Variants in CAMTA1 observed in about 807,000 individuals in gnomAD.
CAMTA1 encodes calmodulin-binding transcription activator 1.
Under a neutral mutation model 170.9 loss-of-function variants are expected in CAMTA1, and 27 were observed. That is an observed-to-expected ratio of 0.16 (90% confidence interval 0.12 to 0.22). The LOEUF (loss-of-function observed/expected upper bound fraction) is 0.22, where lower values mean the gene tolerates loss of function less well. Among genes scored for constraint, CAMTA1 ranks in the 10% least tolerant of loss-of-function variants. The pLI is 1.00. For synonymous variants in CAMTA1, 833 were observed against 891.5 expected, an observed-to-expected ratio of 0.93 and a Z score of 1.17; for missense variants, 1,619 against 2,217.2, an observed-to-expected ratio of 0.73 and a Z score of 5.42.
intron 11 of CAMTA1, among the ~76,000 whole-genome samples, chr1:7,712,250 TTAGAG>T (rs1469242318): frequency 6.6e-6 from 1 of 152,210 alleles, no homozygotes; most frequent in Non-Finnish European, 1.5e-5. Flanking sequence ...CTCTAATGTT[TTAGAG>T]TAAAGTTGCA....
At chr1:7,220,550 C>T (rs927374607) in intron 4 of CAMTA1, among the ~76,000 whole-genome samples, 2 of 152,046 alleles carry the variant, frequency 1.3e-5, no homozygotes, top group East Asian at 1.9e-4. Context: ...AGTCTTGTCA[C>T]CTGGTGTTCC....
At chr1:7,614,126 AGAG>A in intron 6 of CAMTA1, among the ~76,000 whole-genome samples, 2 of 152,012 alleles carry the variant, frequency 1.3e-5, no homozygotes, top group South Asian at 4.2e-4. Flanking sequence ...GAGTAGGAGG[AGAG>A]GAGATTTTGG....
At position 7,325,829 on chromosome 1, in the gene CAMTA1, T is replaced by C. The variant is rs1679181861; in HGVS notation, c.438+76203T>C. Among the ~76,000 whole-genome samples the C allele has an allele frequency of 6.6e-6, 1 of 151,090 alleles. No individual in the cohort carries two copies. Among genetic ancestry groups the C allele is most frequent in the Non-Finnish European group, 1.5e-5 (1 of 67,658 alleles). On this transcript the variant is annotated intron_variant, in intron 5 of 22. Transcript: ENST00000303635. This position sits in a 1 kb window ranked among gnomAD's most constrained non-coding sequence, Gnocchi z 5.0. ...GGCATTTCAAGGGCAGATCCAGGTT[T>C]GGTTTGTTGTTGGTGGGTTTTTTTG...
At chr1:6,817,933 T>A (rs1042107781) in intron 1 of CAMTA1, among the ~76,000 whole-genome samples, 1 of 152,180 alleles carries the variant, frequency 6.6e-6, no homozygotes, top group Non-Finnish European at 1.5e-5. Context: ...AAGACTTTAT[T>A]TATATGGACC....
chr1:7,103,976 CACA>C (rs1422063568), intron 4 of CAMTA1, among the ~76,000 whole-genome samples: 3 of 151,320 alleles, frequency 2.0e-5, no homozygotes, highest in African/African-American at 4.9e-5. Context: ...CACACGCACA[CACA>C]ACACACAAGT....
At chr1:7,469,379 G>T (rs1331106842) in intron 6 of CAMTA1, among the ~76,000 whole-genome samples, 1 of 152,202 alleles carries the variant, frequency 6.6e-6, no homozygotes, top group Non-Finnish European at 1.5e-5. Context: ...TGAAGGGTGG[G>T]GTTCCACCCG....
chr1:7,134,763 C>G (rs762299827), intron 4 of CAMTA1, among the ~76,000 whole-genome samples: 5 of 152,072 alleles, frequency 3.3e-5, no homozygotes, highest in Non-Finnish European at 5.9e-5. Flanking sequence ...ATTATATGTT[C>G]ATGGGATTAC....
At chr1:6,819,870 C>T (rs1014677497) in intron 1 of CAMTA1, among the ~76,000 whole-genome samples, 1 of 152,226 alleles carries the variant, frequency 6.6e-6, no homozygotes, top group Admixed American at 6.5e-5. Context: ...GTCCTAAAGT[C>T]CTGTTGCTGT....
At chr1:7,169,656 C>G (rs2148817688) in intron 4 of CAMTA1, among the ~76,000 whole-genome samples, 1 of 152,226 alleles carries the variant, frequency 6.6e-6, no homozygotes, top group South Asian at 2.1e-4. Flanking sequence ...AGACTACAGG[C>G]ATGCACCACC....
chr1:7,746,327 C>T (rs1028990171), intron 18 of CAMTA1, among the ~76,000 whole-genome samples: 2 of 152,010 alleles, frequency 1.3e-5, no homozygotes, highest in Admixed American at 1.3e-4. Flanking sequence ...GCCATTTTGT[C>T]TGTTTTAAAG....
intron 5 of CAMTA1, among the ~76,000 whole-genome samples, chr1:7,352,883 G>A (rs538710917): frequency 1.2e-4 from 19 of 152,346 alleles, no homozygotes; most frequent in African/African-American, 2.6e-4. Context: ...TTCCCACTCC[G>A]TGTGAGCCAG....
At chr1:7,671,446 C>G (rs1219914510) in intron 10 of CAMTA1, among the ~76,000 whole-genome samples, 1 of 152,226 alleles carries the variant, frequency 6.6e-6, no homozygotes, top group Non-Finnish European at 1.5e-5. Flanking sequence ...GCCCGTGCCT[C>G]CCATGGCCCA....
At chr1:6,999,319 C>T (rs918208700) in intron 3 of CAMTA1, among the ~76,000 whole-genome samples, 7 of 152,186 alleles carry the variant, frequency 4.6e-5, no homozygotes, top group East Asian at 1.9e-4. Flanking sequence ...TGAATTGGCT[C>T]ATGGTTTGGC....
At chr1:7,049,677 G>A (rs942718207) in intron 3 of CAMTA1, among the ~76,000 whole-genome samples, 4 of 152,154 alleles carry the variant, frequency 2.6e-5, no homozygotes, top group East Asian at 3.9e-4. Context: ...GGCTGGTCTC[G>A]AACTCTTGAC....
intron 3 of CAMTA1, among the ~76,000 whole-genome samples, chr1:7,045,970 C>G (rs778814188): frequency 1.9e-4 from 29 of 152,194 alleles, no homozygotes; most frequent in Non-Finnish European, 3.1e-4. Flanking sequence ...TTAGGTTCTG[C>G]TGTTCCTTCC....
intron 4 of CAMTA1, among the ~76,000 whole-genome samples, chr1:7,138,256 T>G (rs1645656355): frequency 6.6e-6 from 1 of 152,206 alleles, no homozygotes; most frequent in Admixed American, 6.5e-5. Flanking sequence ...CCTCCCAAAG[T>G]GCTGGGATTC....
intron 5 of CAMTA1, among the ~76,000 whole-genome samples, chr1:7,448,014 T>C (rs2092721646): frequency 6.6e-6 from 1 of 152,228 alleles, no homozygotes. Flanking sequence ...AGACTGCCCA[T>C]GTCACTGAGT....
rs377416888 is a variant in CAMTA1 at position 7,744,819 on chromosome 1, G to C, written c.4183-16G>C. The stretch of plus-strand genomic sequence containing the variant: ...TTCCTTTCTAACCTGAGTGTTCTGT[G>C]AACTTCTGACTTCAGGTGAACATGA... On this transcript the variant is annotated splice_polypyrimidine_tract_variant and intron_variant, in intron 16 of 22. Transcript: ENST00000303635. 13 of 1,608,042 alleles carry C rather than the reference G, an allele frequency of 8.1e-6. No homozygotes were observed. The highest frequency in any genetic ancestry group is 1.0e-5 in the Non-Finnish European group (12 of 1,176,998).
chr1:6,785,593 AG>A lies in CAMTA1; in HGVS notation c.45+22del. ...GCCGGAAGGTAAGAGCCGGAGCGCG[AG>A]GGGCTGGGGGGCGGCGCGGCGGGCG... is the stretch of plus-strand genomic sequence containing the variant. On this transcript the variant is annotated intron_variant, in intron 1 of 22. Coordinates refer to ENST00000303635, the MANE Select transcript of CAMTA1 (RefSeq NM_015215.4). The A allele has an allele frequency of 9.9e-7, 1 of 1,009,200 alleles. No individual in the cohort carries two copies. The highest frequency in any genetic ancestry group is 3.5e-5 in the South Asian group (1 of 28,560). 62.5% of individuals were successfully genotyped at this position (1,009,200 alleles called of 1,614,324 possible).
Sources: gnomAD v4.1 joint callset for allele counts (sites outside exome capture counted in the v4.1 genomes callset) on GRCh38, gnomAD v4.1.1 for gene constraint, Gnocchi (gnomAD v3.1) non-coding constraint, MANE v1.5 for transcripts, NCBI Gene and HGNC (gene_info 2026-07-23, HGNC 2026-07-21) for gene names.